Variants in CALN1 observed in about 807,000 individuals in gnomAD.
CALN1 encodes the protein calneuron 1.
A neutral mutation model predicts 30.6 loss-of-function variants in CALN1; 17 were observed. That is an observed-to-expected ratio of 0.56 (90% CI 0.38 to 0.83). The LOEUF (loss-of-function observed/expected upper bound fraction) is 0.83. Among genes scored for constraint, CALN1 ranks in the 40% least tolerant of loss-of-function variants. The pLI, the probability that CALN1 is intolerant of heterozygous loss-of-function variation, is 0.00. For synonymous variants in CALN1, 156 were observed against 131.4 expected, an observed-to-expected ratio of 1.19 and a Z score of -1.28; for missense variants, 291 against 354.9, an observed-to-expected ratio of 0.82 and a Z score of 1.45.
At chr7:71,932,345 T>C (rs2129520664) in intron 5 of CALN1, among the ~76,000 whole-genome samples, 1 of 152,200 alleles carries the variant, frequency 6.6e-6, no homozygotes, top group African/African-American at 2.4e-5. Flanking sequence ...CCAGCTATTT[T>C]TCATAGAGAT....
chr7:71,840,279 G>A (rs953856773), intron 5 of CALN1, among the ~76,000 whole-genome samples: 4 of 151,954 alleles, frequency 2.6e-5, no homozygotes, highest in Admixed American at 1.3e-4. Context: ...AATGAGCTAT[G>A]GCTGCATCAT....
intron 5 of CALN1, among the ~76,000 whole-genome samples, chr7:71,936,374 T>C (rs975335101): frequency 8.1e-6 from 1 of 123,446 alleles, no homozygotes; most frequent in African/African-American, 3.2e-5. Context: ...GGCAGGCGCC[T>C]GGGCGACTGA....
At chr7:72,252,653 G>A (rs1025959634) in intron 3 of CALN1, among the ~76,000 whole-genome samples, 4 of 151,010 alleles carry the variant, frequency 2.6e-5, no homozygotes, top group Non-Finnish European at 5.9e-5. Context: ...AGGGAGGGAC[G>A]GAGATCCAGA....
At chr7:72,079,102 T>C (rs528776688) in intron 4 of CALN1, among the ~76,000 whole-genome samples, 3 of 152,296 alleles carry the variant, frequency 2.0e-5, no homozygotes, top group South Asian at 2.1e-4. Context: ...TCTAGGCTAA[T>C]AGAGAACCAA....
intron 2 of CALN1, among the ~76,000 whole-genome samples, chr7:72,385,551 G>C (rs1282764051): frequency 6.6e-6 from 1 of 151,734 alleles, no homozygotes; most frequent in Non-Finnish European, 1.5e-5. Context: ...GGTACCACAG[G>C]AAAATGGAAT....
At chr7:72,317,064 GAA>G (rs1235800148) in intron 2 of CALN1, among the ~76,000 whole-genome samples, 1 of 136,346 alleles carries the variant, frequency 7.3e-6, no homozygotes, top group Non-Finnish European at 1.5e-5. Context: ...GAGAGAGAGA[GAA>G]AGAGAGACAC....
At chr7:72,406,174 C>T (rs1228755585) in intron 1 of CALN1, among the ~76,000 whole-genome samples, 1 of 152,232 alleles carries the variant, frequency 6.6e-6, no homozygotes, top group Admixed American at 6.5e-5. Flanking sequence ...CAGAATTCCC[C>T]TCTCCCAGTC....
rs137901703 is a variant in CALN1 at position 72,203,620 on chromosome 7, T to G, written c.244+75066A>C. Among the ~76,000 whole-genome samples the G allele has an allele frequency of 2.6e-5, 4 of 152,284 alleles. No homozygotes were observed. The East Asian group carries it at 7.7e-4, about 29-fold the overall frequency. On this transcript the variant is annotated intron_variant, in intron 3 of 6. Transcript: ENST00000395275. Reference sequence around the variant, plus strand: ...AGTCCACACCAAGTTTTCCAACCAGTTAAAACAATCCCTGGTGCTTCTCTA... The same window carrying G: ...AGTCCACACCAAGTTTTCCAACCAGGTAAAACAATCCCTGGTGCTTCTCTA...
At chr7:72,334,745 A>C (rs1801900156) in intron 2 of CALN1, among the ~76,000 whole-genome samples, 1 of 152,226 alleles carries the variant, frequency 6.6e-6, no homozygotes, top group South Asian at 2.1e-4. Flanking sequence ...CTCCAATAAA[A>C]TATCGTGAGG....
upstream of CALN1, among the ~76,000 whole-genome samples, chr7:72,414,039 C>G (rs770793373): frequency 3.3e-5 from 5 of 152,132 alleles, no homozygotes; most frequent in African/African-American, 4.8e-5. Context: ...AGCAATTAAG[C>G]TTTGGCAGCT....
chr7:72,027,092 G>A (rs143533905), intron 4 of CALN1, among the ~76,000 whole-genome samples: 65 of 152,316 alleles, frequency 4.3e-4, no homozygotes, highest in African/African-American at 1.5e-3. Flanking sequence ...ATTAGCCAAT[G>A]TTAGATATTA....
At chr7:72,071,239 A>C (rs1456376800) in intron 4 of CALN1, among the ~76,000 whole-genome samples, 1 of 152,080 alleles carries the variant, frequency 6.6e-6, no homozygotes, top group Non-Finnish European at 1.5e-5. Context: ...TTGGGCAAAA[A>C]AGCACCCTGT....
rs543181444 is a variant in CALN1 at position 72,223,717 on chromosome 7, T to G, written c.244+54969A>C. ...CCGCACTAGCATGTTTATTGCAGCA[T>G]TATTCACAGTAGCAAAGACATGAAA... is the stretch of plus-strand genomic sequence containing the variant. On this transcript the variant is annotated intron_variant, in intron 3 of 6. Coordinates refer to ENST00000395275, the MANE Select transcript of CALN1 (RefSeq NM_031468.4). Among the ~76,000 whole-genome samples, 5 of 152,334 alleles carry G rather than the reference T, an allele frequency of 3.3e-5. No homozygotes were observed. In the South Asian group the frequency reaches 8.3e-4, roughly 25 times the overall value.
chr7:72,311,031 C>G (rs1174992681), intron 2 of CALN1, among the ~76,000 whole-genome samples: 1 of 151,742 alleles, frequency 6.6e-6, no homozygotes, highest in East Asian at 1.9e-4. Flanking sequence ...CCAGTTATGC[C>G]AAGTGTGCCT....
At chr7:72,069,792 A>G (rs1176035495) in intron 4 of CALN1, among the ~76,000 whole-genome samples, 1 of 152,012 alleles carries the variant, frequency 6.6e-6, no homozygotes, top group Non-Finnish European at 1.5e-5. Flanking sequence ...CCCCTACCCA[A>G]TCTCCCTCTA....
intron 3 of CALN1, among the ~76,000 whole-genome samples, chr7:72,177,518 A>G (rs1789443475): frequency 6.6e-6 from 1 of 152,114 alleles, no homozygotes; most frequent in Non-Finnish European, 1.5e-5. Flanking sequence ...TAATCCCAGC[A>G]CTTGGGGAGG....
Position 72,060,064 on chromosome 7 carries a change from G to A in CALN1, c.389-36295C>T, listed in dbSNP as rs371774993. Among the ~76,000 whole-genome samples, 18 of 152,224 alleles carry A rather than the reference G, an allele frequency of 1.2e-4. No individual in the cohort carries two copies. The South Asian group carries it at 1.9e-3, about 16-fold the overall frequency. ...GCAATGCTAAAGACCCCGGGCAGTG[G>A]GCATTGGTGTGGGTGGTGAGAGCTC... is the stretch of plus-strand genomic sequence containing the variant. On this transcript the variant is annotated intron_variant, in intron 4 of 6. Coordinates refer to ENST00000395275, the MANE Select transcript of CALN1 (RefSeq NM_031468.4).
chr7:72,227,684 G>A (rs1562767372), intron 3 of CALN1, among the ~76,000 whole-genome samples: 1 of 151,978 alleles, frequency 6.6e-6, no homozygotes, highest in Non-Finnish European at 1.5e-5. Context: ...CCAAGCTTCA[G>A]CATCATGCAA....
intron 3 of CALN1, among the ~76,000 whole-genome samples, chr7:72,255,862 C>T (rs981764367): frequency 6.6e-6 from 1 of 152,100 alleles, no homozygotes; most frequent in African/African-American, 2.4e-5. Context: ...TCCTGAGTAG[C>T]TGCGATTACA....
Sources: allele counts gnomAD v4.1 joint callset (sites outside exome capture counted in the v4.1 genomes callset), GRCh38; gene constraint gnomAD v4.1.1; transcripts MANE v1.5; gene names NCBI Gene and HGNC (gene_info 2026-07-23, HGNC 2026-07-21).